CNTNAP2: variants seen among roughly 807,000 people sequenced by gnomAD.
CNTNAP2 encodes the protein contactin-associated protein-like 2.
Under a neutral mutation model 155.2 loss-of-function variants are expected in CNTNAP2, and 98 were observed. The ratio of observed to expected loss-of-function variants is 0.63; its 90% CI spans 0.54 to 0.75. The LOEUF (loss-of-function observed/expected upper bound fraction) is 0.75. CNTNAP2 is among the 30% of genes least tolerant of loss of function. The probability of loss-of-function intolerance (pLI) is 0.00; values close to 1 mark genes in which losing one functional copy is unlikely to be tolerated. For missense variants in CNTNAP2, 1,727 were observed against 1,688.1 expected, an observed-to-expected ratio of 1.02 and a Z score of -0.40; for synonymous variants, 651 against 631.2, an observed-to-expected ratio of 1.03 and a Z score of -0.47.
chr7:146,395,779 T>TAGATGATAGAGATATA (rs11462122), intron 1 of CNTNAP2, among the ~76,000 whole-genome samples: 1 of 122,024 alleles, frequency 8.2e-6, no homozygotes, highest in Non-Finnish European at 1.7e-5. Flanking sequence ...GATAGACAGA[T>TAGATGATAGAGATATA]GATAGATAGA....
intron 1 of CNTNAP2, among the ~76,000 whole-genome samples, chr7:146,353,869 C>A (rs1194177958): frequency 1.3e-5 from 2 of 151,988 alleles, no homozygotes; most frequent in Non-Finnish European, 2.9e-5. Context: ...TACATGGCAA[C>A]AAACCTTTAT....
intron 1 of CNTNAP2, among the ~76,000 whole-genome samples, chr7:146,368,928 G>C (rs945835363): frequency 1.4e-4 from 21 of 148,902 alleles, no homozygotes; most frequent in African/African-American, 5.2e-4. Flanking sequence ...TTGTGTTATT[G>C]AATTAAGCCA....
At chr7:147,031,743 C>A (rs1033294622) in intron 3 of CNTNAP2, among the ~76,000 whole-genome samples, 1 of 152,142 alleles carries the variant, frequency 6.6e-6, no homozygotes, top group Non-Finnish European at 1.5e-5. Flanking sequence ...TGTGGTGAAA[C>A]CTCATCTCTA....
At chr7:146,218,365 C>G (rs970443078) in intron 1 of CNTNAP2, among the ~76,000 whole-genome samples, 3 of 151,972 alleles carry the variant, frequency 2.0e-5, no homozygotes, top group Admixed American at 6.6e-5. Context: ...AAAAATTAGC[C>G]GGGCGTGGTG....
At chr7:147,605,330 A>G (rs753728961) in intron 12 of CNTNAP2, among the ~76,000 whole-genome samples, 10 of 152,160 alleles carry the variant, frequency 6.6e-5, no homozygotes, top group Non-Finnish European at 5.9e-5. Context: ...CTGCAAATGC[A>G]TGGAGTCCCA....
At chr7:148,346,109 C>T (rs1244569908) in intron 21 of CNTNAP2, among the ~76,000 whole-genome samples, 1 of 152,118 alleles carries the variant, frequency 6.6e-6, no homozygotes, top group East Asian at 1.9e-4. Flanking sequence ...TAGATGGAGA[C>T]CCCTTCATCC....
intron 1 of CNTNAP2, among the ~76,000 whole-genome samples, chr7:146,427,283 A>G (rs1394472230): frequency 1.3e-5 from 2 of 152,176 alleles, no homozygotes; most frequent in African/African-American, 2.4e-5. Flanking sequence ...TAGCTAAGGG[A>G]CAAATATTTT....
In CNTNAP2 at chr7:146,841,896, T is replaced by G. The variant is rs185281087; in HGVS notation, c.402+1992T>G. ...CAGCTTGTCTTGGAGTCTTTTTTTT[T>G]TTTGAGACGGAATTTTGCTCTTGTT... On this transcript the variant is annotated intron_variant, in intron 3 of 23. Coordinates refer to ENST00000361727, the MANE Select transcript of CNTNAP2 (RefSeq NM_014141.6). 1.8e-4 allele frequency among the ~76,000 whole-genome samples: 27 copies of G among 152,040 alleles called. No individual in the cohort carries two copies. The East Asian group carries it at 3.9e-3, about 22-fold the overall frequency.
At chr7:147,780,896 T>G (rs1179044982) in intron 13 of CNTNAP2, among the ~76,000 whole-genome samples, 2 of 152,202 alleles carry the variant, frequency 1.3e-5, no homozygotes, top group Non-Finnish European at 2.9e-5. Context: ...ATGTATAATT[T>G]TCCAGGTTCT....
intron 1 of CNTNAP2, among the ~76,000 whole-genome samples, chr7:146,126,547 G>C (rs1797640740): frequency 6.6e-6 from 1 of 152,114 alleles, no homozygotes; most frequent in African/African-American, 2.4e-5. Context: ...TTTATTTAAA[G>C]CTATGTAAAA....
intron 13 of CNTNAP2, among the ~76,000 whole-genome samples, chr7:147,819,512 C>G (rs1379355320): frequency 6.6e-6 from 1 of 151,716 alleles, no homozygotes; most frequent in African/African-American, 2.4e-5. Flanking sequence ...TACTTTATAC[C>G]TTAAGATATT....
intron 11 of CNTNAP2, among the ~76,000 whole-genome samples, chr7:147,494,646 A>C (rs1798668378): frequency 6.6e-6 from 1 of 152,124 alleles, no homozygotes; most frequent in Non-Finnish European, 1.5e-5. Flanking sequence ...TGTTTTATCC[A>C]AGGTTCAGAG....
intron 8 of CNTNAP2, among the ~76,000 whole-genome samples, chr7:147,202,709 A>G (rs1802946613): frequency 6.6e-6 from 1 of 152,024 alleles, no homozygotes. Context: ...AGAAAACCAA[A>G]CACCGCATGT....
chr7:147,084,951 A>T lies in CNTNAP2; in HGVS notation c.551-23196A>T, dbSNP rs139248743. On this transcript the variant is annotated intron_variant, in intron 4 of 23. Transcript: ENST00000361727. ...TAATATCTCAAGTTTACATTGATGA[A>T]ATATTTATAATGAAATCCTTTGCTA... Among the ~76,000 whole-genome samples the T allele has an allele frequency of 4.6e-3, 699 of 151,798 alleles. 6 individuals are homozygous for T. The highest frequency in any genetic ancestry group is 0.015 in the African/African-American group (629 of 41,478).
chr7:148,343,801 A>G (rs1254167666), intron 21 of CNTNAP2, among the ~76,000 whole-genome samples: 1 of 152,248 alleles, frequency 6.6e-6, no homozygotes, highest in African/African-American at 2.4e-5. Context: ...GAATCGTGTG[A>G]TTTGCATAAT....
chr7:147,609,681 T>C (rs2116874742), intron 12 of CNTNAP2, among the ~76,000 whole-genome samples: 1 of 152,090 alleles, frequency 6.6e-6, no homozygotes, highest in South Asian at 2.1e-4. Flanking sequence ...CTTTCCTTTA[T>C]CCTCTGAGGG....
At chr7:147,652,491 G>A (rs961714376) in intron 13 of CNTNAP2, among the ~76,000 whole-genome samples, 4 of 152,112 alleles carry the variant, frequency 2.6e-5, no homozygotes, top group African/African-American at 9.7e-5. Context: ...ATTTATTAAA[G>A]GTTCACCTGG....
intron 15 of CNTNAP2, among the ~76,000 whole-genome samples, chr7:148,021,642 G>C (rs1277419455): frequency 6.6e-6 from 1 of 152,242 alleles, no homozygotes; most frequent in East Asian, 1.9e-4. Flanking sequence ...TGGGGATCCA[G>C]TCCCCGGTGA....
intron 10 of CNTNAP2, among the ~76,000 whole-genome samples, chr7:147,434,757 T>C (rs1019472573): frequency 2.0e-4 from 31 of 152,226 alleles, no homozygotes. Flanking sequence ...GAGCACCTGC[T>C]CCTCTTGGAA....
Sources: gnomAD v4.1 joint callset for allele counts (sites outside exome capture counted in the v4.1 genomes callset) on GRCh38, gnomAD v4.1.1 for gene constraint, MANE v1.5 for transcripts, NCBI Gene and HGNC (gene_info 2026-07-23, HGNC 2026-07-21) for gene names.